The following SCN1A variants were observed in gnomAD, a reference collection of about 807,000 sequenced individuals.
SCN1A encodes sodium voltage-gated channel alpha subunit 1.
Under a neutral mutation model 193.7 loss-of-function variants are expected in SCN1A, and 13 were observed. The observed-to-expected ratio is 0.07, with a 90% CI of 0.04 to 0.11. The LOEUF (loss-of-function observed/expected upper bound fraction) is 0.11. Ranked by LOEUF, SCN1A falls within the 10% of genes least tolerant of loss-of-function variation. The pLI is 1.00. For missense variants in SCN1A, 1,432 were observed against 2,451.1 expected (o/e 0.58, Z 8.78); for synonymous variants, 781 against 843.6 (o/e 0.93, Z 1.29).
chr2:165,991,425 C>G lies in SCN1A; in HGVS notation c.5850G>C (p.Gly1950=). The change falls in exon 29 of 29, where the codon GGG becomes GGC. Residue 1950 remains glycine, a synonymous_variant. Transcript: ENST00000674923. ...FTYNKNKIKG[G]ANLLIKEDMI... ...TGTCTTCTTTTATAAGAAGATTAGC[C>G]CCACCTTTGATTTTGTTTTTATTGT... 6.2e-7 allele frequency: 1 copy of G among 1,613,702 alleles called. No individual in the cohort carries two copies.
chr2:166,078,215 A>G (rs535705218), intron 2 of SCN1A, among the ~76,000 whole-genome samples: 19 of 151,908 alleles, frequency 1.3e-4, no homozygotes, highest in Non-Finnish European at 2.4e-4. Context: ...ACTATATACA[A>G]TACCTAAACA....
At chr2:166,053,642 G>A (rs1698835357) in intron 7 of SCN1A, among the ~76,000 whole-genome samples, 1 of 152,086 alleles carries the variant, frequency 6.6e-6, no homozygotes, top group South Asian at 2.1e-4. Flanking sequence ...TGTGACCAGA[G>A]AGCCTAGCAA....
chr2:166,023,290 A>G (rs1694303815), intron 19 of SCN1A, among the ~76,000 whole-genome samples: 2 of 152,236 alleles, frequency 1.3e-5, no homozygotes, highest in African/African-American at 4.8e-5. Context: ...AAAACAAGTT[A>G]TGGCCTCCAG....
chr2:166,067,628 C>G (rs1383950343), intron 4 of SCN1A, among the ~76,000 whole-genome samples: 1 of 150,224 alleles, frequency 6.7e-6, no homozygotes, highest in Non-Finnish European at 1.5e-5. Context: ...CAAGAGCTAT[C>G]TTGAAAGAAT....
intron 1 of SCN1A, among the ~76,000 whole-genome samples, chr2:166,135,892 C>T (rs1301857056): frequency 2.0e-5 from 3 of 152,310 alleles, no homozygotes; most frequent in African/African-American, 7.2e-5. Context: ...TTACCCACAC[C>T]TGAGAAGATT....
At chr2:166,108,892 C>A (rs1688989801) in intron 2 of SCN1A, among the ~76,000 whole-genome samples, 1 of 152,048 alleles carries the variant, frequency 6.6e-6, no homozygotes, top group Non-Finnish European at 1.5e-5. Flanking sequence ...TGCTGCACAA[C>A]TCTATAAATA....
chr2:166,039,618 T>C (rs762114362), intron 16 of SCN1A, 22 bp from the exon 17 acceptor site: 2 of 1,602,922 alleles, frequency 1.2e-6, no homozygotes, highest in East Asian at 2.2e-5. Flanking sequence ...ACAAAATTAA[T>C]CTAATTCCAC....
At position 166,058,608 on chromosome 2, in the gene SCN1A, A is replaced by G. The variant is rs61741123; in HGVS notation, c.345T>C (p.Asn115=). Residue 115 remains asparagine (N), a synonymous_variant, in exon 5 of 29, where the codon AAT becomes AAC. Coordinates refer to ENST00000674923, the MANE Select transcript of SCN1A (RefSeq NM_001165963.4). ...TCTTAATAGCTATTTTCCTAAGAGG[A>G]TTGAAGGGAGTTAAAATGTACAGGG... is the stretch of plus-strand genomic sequence containing the variant. ...TSALYILTPF[N]PLRKIAIKIL... is the part of the protein sequence containing the mutation. 8,235 of 1,611,202 alleles carry G rather than the reference A, an allele frequency of 5.1e-3. 421 individuals are homozygous for G. In the African/African-American group the frequency reaches 0.099, roughly 19 times the overall value.
At chr2:166,021,753 T>C (rs569779870) in intron 19 of SCN1A, among the ~76,000 whole-genome samples, 1 of 152,280 alleles carries the variant, frequency 6.6e-6, no homozygotes, top group South Asian at 2.1e-4. Context: ...TCAACAATTA[T>C]ACCAACATTC....
At chr2:166,140,139 A>G (rs562196227) in intron 1 of SCN1A, among the ~76,000 whole-genome samples, 7 of 152,156 alleles carry the variant, frequency 4.6e-5, no homozygotes, top group Non-Finnish European at 8.8e-5. Flanking sequence ...AAGATCACAC[A>G]GTAACGAGGT....
intron 2 of SCN1A, among the ~76,000 whole-genome samples, chr2:166,092,058 AT>A (rs201317689): frequency 6.6e-6 from 1 of 152,086 alleles, no homozygotes; most frequent in African/African-American, 2.4e-5. Context: ...TTCAGATAAT[AT>A]TTTTTTCTTT....
chr2:166,045,952 C>T (rs924582529), intron 12 of SCN1A, among the ~76,000 whole-genome samples: 1 of 152,172 alleles, frequency 6.6e-6, no homozygotes, highest in Non-Finnish European at 1.5e-5. Flanking sequence ...CAAATCAGTA[C>T]TGGTTCTTAA....
At chr2:166,117,258 T>A (rs562741552) in intron 2 of SCN1A, among the ~76,000 whole-genome samples, 1 of 152,320 alleles carries the variant, frequency 6.6e-6, no homozygotes, top group South Asian at 2.1e-4. Flanking sequence ...ACTACACAAG[T>A]GCTTTACCTT....
At chr2:166,054,365 G>C (rs1359326073) in intron 7 of SCN1A, among the ~76,000 whole-genome samples, 8 of 151,906 alleles carry the variant, frequency 5.3e-5, no homozygotes, top group Admixed American at 5.3e-4. Context: ...TCATATGTGT[G>C]TGTGTTTGTG....
chr2:166,106,271 T>G (rs1180443856), intron 2 of SCN1A, among the ~76,000 whole-genome samples: 3 of 152,068 alleles, frequency 2.0e-5, no homozygotes, highest in Non-Finnish European at 4.4e-5. Flanking sequence ...GAAGAATTAT[T>G]AAGTACTGAT....
intron 19 of SCN1A, chr2:166,016,657 G>A (rs1191347151): frequency 6.6e-6 from 1 of 151,966 alleles, no homozygotes; most frequent in Non-Finnish European, 1.5e-5. Context: ...TTTGGCAAGT[G>A]TAATTAATTC....
At chr2:166,025,734 T>A (rs1694673558) in intron 19 of SCN1A, among the ~76,000 whole-genome samples, 2 of 152,152 alleles carry the variant, frequency 1.3e-5, no homozygotes, top group South Asian at 4.2e-4. Flanking sequence ...GCTACATTGA[T>A]AATTCACTAT....
chr2:166,123,211 C>A (rs1690801690), intron 2 of SCN1A, among the ~76,000 whole-genome samples: 1 of 105,898 alleles, frequency 9.4e-6, no homozygotes. Flanking sequence ...CACATTCCTA[C>A]TCATTCATTT....
At chr2:166,112,800 C>A (rs1240902496) in intron 2 of SCN1A, among the ~76,000 whole-genome samples, 3 of 152,112 alleles carry the variant, frequency 2.0e-5, no homozygotes, top group Non-Finnish European at 4.4e-5. Flanking sequence ...CCTGCATCTG[C>A]AAGGGATGGG....
Sources: gnomAD v4.1 joint callset for allele counts (sites outside exome capture counted in the v4.1 genomes callset) on GRCh38, gnomAD v4.1.1 for gene constraint, MANE v1.5 for transcripts, NCBI Gene and HGNC (gene_info 2026-07-23, HGNC 2026-07-21) for gene names.